ARHGAP29: variants seen among roughly 807,000 people sequenced by gnomAD.
The protein encoded by ARHGAP29 is rho GTPase-activating protein 29.
Under a neutral mutation model 122.6 loss-of-function variants are expected in ARHGAP29, and 43 were observed. That is an observed-to-expected ratio of 0.35 (90% CI 0.27 to 0.45). ARHGAP29 has a LOEUF of 0.45. Ranked by LOEUF, ARHGAP29 falls within the 20% of genes least tolerant of loss-of-function variation. The pLI is 1.00. For synonymous variants in ARHGAP29, 506 were observed against 497.1 expected (o/e 1.02, Z -0.24); for missense variants, 1,303 against 1,477.2 (o/e 0.88, Z 1.93).
At chr1:94,296,024 C>T in the ARHGAP29 span, among the ~76,000 whole-genome samples, 1 of 152,140 alleles carries the variant, frequency 6.6e-6, no homozygotes, top group East Asian at 1.9e-4. Context: ...GGGAAGAAGG[C>T]AGAGGAATAA....
rs987668997 is a variant in ARHGAP29, at chr1:94,168,975, T to C, written c.*4894A>G. Among the ~76,000 whole-genome samples the C allele has an allele frequency of 6.6e-6, 1 of 152,234 alleles. No homozygotes were observed. The highest frequency in any genetic ancestry group is 1.5e-5 in the Non-Finnish European group (1 of 68,046). ...TTTTATGGATGCAGAGTAGATTGGT[T>C]GAGTGTGAGGACACTTAAAAATAGC... On this transcript the variant is annotated 3_prime_UTR_variant, in exon 23 of 23. Transcript: ENST00000260526.
At chr1:94,217,634 T>A (rs983255648) in intron 3 of ARHGAP29, among the ~76,000 whole-genome samples, 1 of 151,998 alleles carries the variant, frequency 6.6e-6, no homozygotes. Flanking sequence ...GGCCAGGAGT[T>A]CAGGATCAGC....
intron 1 of ARHGAP29, among the ~76,000 whole-genome samples, chr1:94,263,181 G>A (rs761728778): frequency 6.6e-6 from 1 of 152,074 alleles, no homozygotes; most frequent in Non-Finnish European, 1.5e-5. Flanking sequence ...CTTATAAGTG[G>A]GAGCTAAATG....
intron 18 of ARHGAP29, 46 bp from the exon 19 acceptor site, chr1:94,184,334 A>C (rs1336262732): frequency 4.4e-6 from 6 of 1,377,624 alleles, no homozygotes; most frequent in Non-Finnish European, 6.1e-6. Flanking sequence ...TCTTTAGTAC[A>C]AATGGCTAAA....
At chr1:94,256,730 T>C (rs192504609) in intron 1 of ARHGAP29, among the ~76,000 whole-genome samples, 292 of 151,124 alleles carry the variant, frequency 1.9e-3, no homozygotes, top group African/African-American at 6.4e-3. Context: ...GGCTAATTTA[T>C]TGTATTTTTA....
At chr1:94,217,178 G>A (rs993753355) in intron 3 of ARHGAP29, among the ~76,000 whole-genome samples, 1 of 151,938 alleles carries the variant, frequency 6.6e-6, no homozygotes, top group African/African-American at 2.4e-5. Flanking sequence ...TCATACTTAA[G>A]GTCTCCAAAG....
At chr1:94,230,882 C>A (rs2101612875) in intron 2 of ARHGAP29, among the ~76,000 whole-genome samples, 1 of 151,798 alleles carries the variant, frequency 6.6e-6, no homozygotes, top group South Asian at 2.1e-4. Context: ...TCATTTCTAA[C>A]TAGACAGAAT....
intron 2 of ARHGAP29, 80 bp from the exon 3 acceptor site, chr1:94,220,472 T>C (rs1652231633): frequency 7.8e-7 from 1 of 1,282,686 alleles, no homozygotes; most frequent in African/African-American, 1.5e-5. Flanking sequence ...CTGAAGCACA[T>C]TTCAAGTAGA....
intron 1 of ARHGAP29, among the ~76,000 whole-genome samples, chr1:94,234,786 CAT>C (rs1455874859): frequency 2.0e-5 from 3 of 152,142 alleles, no homozygotes; most frequent in African/African-American, 7.2e-5. Flanking sequence ...CCTAACCAAA[CAT>C]CACTCTTGCA....
intron 1 of ARHGAP29, among the ~76,000 whole-genome samples, chr1:94,264,640 C>G (rs1220964920): frequency 6.6e-6 from 1 of 152,060 alleles, no homozygotes; most frequent in Non-Finnish European, 1.5e-5. Flanking sequence ...CTCGGCCTGC[C>G]TTATTACCTG....
At chr1:94,247,684 G>A (rs1043278810) in intron 1 of ARHGAP29, among the ~76,000 whole-genome samples, 2 of 151,554 alleles carry the variant, frequency 1.3e-5, no homozygotes, top group African/African-American at 2.4e-5. Flanking sequence ...GCCCGGCCAA[G>A]TGGCAGCCGC....
intron 1 of ARHGAP29, among the ~76,000 whole-genome samples, chr1:94,233,999 T>C (rs1311351708): frequency 6.6e-6 from 1 of 152,180 alleles, no homozygotes; most frequent in Admixed American, 6.5e-5. Context: ...CTCACTCTGA[T>C]CTCAGCTCAA....
chr1:94,268,332 C>A (rs1654854845), intron 1 of ARHGAP29, among the ~76,000 whole-genome samples: 1 of 151,988 alleles, frequency 6.6e-6, no homozygotes, highest in Non-Finnish European at 1.5e-5. Context: ...ATTCTGCAAG[C>A]TTCTACCTTC....
chr1:94,256,101 A>G (rs1406458455), intron 1 of ARHGAP29, among the ~76,000 whole-genome samples: 2 of 152,324 alleles, frequency 1.3e-5, no homozygotes, highest in East Asian at 1.9e-4. Context: ...AAGGTGAACT[A>G]TTTACTCAAA....
At chr1:94,207,005 A>T (rs1482505292) in intron 5 of ARHGAP29, among the ~76,000 whole-genome samples, 2 of 150,428 alleles carry the variant, frequency 1.3e-5, no homozygotes, top group Non-Finnish European at 3.0e-5. Context: ...AGCAACTTTT[A>T]TTTATTTATT....
intron 12 of ARHGAP29, among the ~76,000 whole-genome samples, chr1:94,199,603 G>A (rs1047127189): frequency 6.6e-6 from 1 of 152,096 alleles, no homozygotes; most frequent in Non-Finnish European, 1.5e-5. Flanking sequence ...TACACACAAA[G>A]CCAATTATTT....
At chr1:94,276,122 G>A (rs1300739454), upstream of ARHGAP29, among the ~76,000 whole-genome samples, 1 of 152,080 alleles carries the variant, frequency 6.6e-6, no homozygotes, top group African/African-American at 2.4e-5. Context: ...ACTGGGCGTG[G>A]TGGGGCATGC....
the ARHGAP29 span, among the ~76,000 whole-genome samples, chr1:94,306,240 G>T: frequency 1.3e-5 from 2 of 152,220 alleles, no homozygotes; most frequent in Non-Finnish European, 1.5e-5. Flanking sequence ...GATGGGCAGG[G>T]TCTTGGGTCT....
At chr1:94,279,480 C>A (rs1042359490), upstream of ARHGAP29, among the ~76,000 whole-genome samples, 3 of 152,186 alleles carry the variant, frequency 2.0e-5, no homozygotes, top group Admixed American at 6.6e-5. Context: ...ATTTAACACA[C>A]AATTTCTGTT....
Sources: allele counts gnomAD v4.1 joint callset (sites outside exome capture counted in the v4.1 genomes callset), GRCh38; gene constraint gnomAD v4.1.1; transcripts MANE v1.5; gene names NCBI Gene and HGNC (gene_info 2026-07-23, HGNC 2026-07-21).